SLC4A10: variants seen among roughly 807,000 people sequenced by gnomAD.
SLC4A10 encodes sodium-driven chloride bicarbonate exchanger.
Under a neutral mutation model 137.7 loss-of-function variants are expected in SLC4A10, and 42 were observed. The ratio of observed to expected loss-of-function variants is 0.30; its 90% CI spans 0.24 to 0.39. SLC4A10 has a LOEUF of 0.39. SLC4A10 is among the 10% of genes least tolerant of loss of function. SLC4A10 has a pLI of 1.00. For missense variants in SLC4A10, 925 were observed against 1,355.0 expected (o/e 0.68, Z 4.98); for synonymous variants, 474 against 464.1 (o/e 1.02, Z -0.27).
chr2:161,917,500 T>A (rs1430946167), intron 15 of SLC4A10, among the ~76,000 whole-genome samples: 1 of 150,654 alleles, frequency 6.6e-6, no homozygotes, highest in Non-Finnish European at 1.5e-5. Context: ...CTTGAACCCC[T>A]GAGGTGGAGG....
intron 2 of SLC4A10, among the ~76,000 whole-genome samples, chr2:161,787,278 G>A (rs1435725102): frequency 6.6e-6 from 1 of 152,086 alleles, no homozygotes; most frequent in Admixed American, 6.6e-5. Flanking sequence ...GGTTTCTGTT[G>A]AGAAAGCCAC....
Position 161,958,562 on chromosome 2 carries a change from T to C in SLC4A10, c.2862+7T>C. 1 of 1,596,980 alleles carries C rather than the reference T, an allele frequency of 6.3e-7. No individual in the cohort carries two copies. Among genetic ancestry groups the C allele is most frequent in the Non-Finnish European group, 8.6e-7 (1 of 1,166,314 alleles). On this transcript the variant is annotated splice_region_variant and intron_variant, in intron 21 of 26. Coordinates refer to ENST00000446997, the MANE Select transcript of SLC4A10 (RefSeq NM_001178015.2). ...ATCTCTAAAGGGAATTCAGGTAAATTACTTACAGTACTACAGGCACATCTG... is the reference window on the plus strand; with the variant it reads ...ATCTCTAAAGGGAATTCAGGTAAATCACTTACAGTACTACAGGCACATCTG...
chr2:161,967,460 A>G (rs528881208), intron 23 of SLC4A10, among the ~76,000 whole-genome samples: 1 of 152,338 alleles, frequency 6.6e-6, no homozygotes, highest in East Asian at 1.9e-4. Flanking sequence ...ACACAAATGT[A>G]CGACAACAAT....
intron 15 of SLC4A10, among the ~76,000 whole-genome samples, chr2:161,911,127 C>T (rs1685743301): frequency 6.6e-6 from 1 of 151,730 alleles, no homozygotes; most frequent in Non-Finnish European, 1.5e-5. Flanking sequence ...TTAATGTATA[C>T]TGATTAATGG....
chr2:161,770,610 G>C (rs2051469598), intron 1 of SLC4A10, among the ~76,000 whole-genome samples: 1 of 151,750 alleles, frequency 6.6e-6, no homozygotes, highest in East Asian at 1.9e-4. Context: ...TATTTTCCTT[G>C]CATAGTTCAA....
At chr2:161,935,232 C>T (rs556336597) in intron 15 of SLC4A10, among the ~76,000 whole-genome samples, 2 of 152,234 alleles carry the variant, frequency 1.3e-5, no homozygotes, top group African/African-American at 4.8e-5. Flanking sequence ...CTATTCTGTT[C>T]ACTGGCCTCT....
chr2:161,859,594 C>CTTTT (rs72003642), intron 5 of SLC4A10, among the ~76,000 whole-genome samples: 725 of 47,094 alleles, frequency 0.015, 1 homozygote, highest in Middle Eastern at 0.026. Context: ...CTTTTCTTTT[C>CTTTT]TTTTTTTTTT....
intron 2 of SLC4A10, among the ~76,000 whole-genome samples, chr2:161,787,621 G>A (rs2053771123): frequency 6.6e-6 from 1 of 151,964 alleles, no homozygotes; most frequent in South Asian, 2.1e-4. Context: ...TTTTTAAAAT[G>A]CTTTTCTATT....
At chr2:161,830,781 C>T (rs72879227) in intron 3 of SLC4A10, among the ~76,000 whole-genome samples, 10,268 of 152,106 alleles carry the variant, frequency 0.068, 454 homozygotes, top group East Asian at 0.17. Flanking sequence ...GGTTTCTGCC[C>T]TTATATTTCA....
At chr2:161,850,697 A>G (rs910691842) in intron 4 of SLC4A10, among the ~76,000 whole-genome samples, 1 of 151,906 alleles carries the variant, frequency 6.6e-6, no homozygotes, top group Non-Finnish European at 1.5e-5. Flanking sequence ...GATTTTTCTC[A>G]TCTCCATTTT....
intron 1 of SLC4A10, among the ~76,000 whole-genome samples, chr2:161,722,788 G>A (rs983435242): frequency 6.6e-6 from 1 of 152,198 alleles, no homozygotes; most frequent in Non-Finnish European, 1.5e-5. Context: ...TAAGTCCACT[G>A]AACCCACAAG....
At chr2:161,740,939 C>T (rs1421464552) in intron 1 of SLC4A10, among the ~76,000 whole-genome samples, 2 of 152,098 alleles carry the variant, frequency 1.3e-5, no homozygotes, top group African/African-American at 2.4e-5. Flanking sequence ...AACATATTCA[C>T]GAATATCCCT....
intron 18 of SLC4A10, 74 bp from the exon 19 acceptor site, chr2:161,950,613 C>T: frequency 7.1e-7 from 1 of 1,399,808 alleles, no homozygotes; most frequent in Non-Finnish European, 9.7e-7. Context: ...TTCCTAGTAG[C>T]ATCTGTAAGA....
chr2:161,985,258 T>C lies in SLC4A10; in HGVS notation c.*2106T>C, dbSNP rs1207504616. On this transcript the variant is annotated 3_prime_UTR_variant, in exon 27 of 27. Transcript: ENST00000446997. ...AAATAAATATTTATCCTAACTTCCT[T>C]GCACATTTTAAATTGTGATACAAAG... is the stretch of plus-strand genomic sequence containing the variant. 1 of 152,158 alleles carries C rather than the reference T, an allele frequency of 6.6e-6. No homozygotes were observed. Among genetic ancestry groups the C allele is most frequent in the Non-Finnish European group, 1.5e-5 (1 of 67,974 alleles). The allele number at this position is 152,158 out of a possible 1,614,324, so 9.4% of individuals were successfully genotyped here.
intron 1 of SLC4A10, among the ~76,000 whole-genome samples, chr2:161,681,921 T>C (rs1353259642): frequency 6.6e-6 from 1 of 152,150 alleles, no homozygotes; most frequent in African/African-American, 2.4e-5. Context: ...CTTGAGCTGA[T>C]ATTTCTATTT....
intron 4 of SLC4A10, among the ~76,000 whole-genome samples, chr2:161,848,999 A>ATACT: frequency 6.6e-6 from 1 of 152,290 alleles, no homozygotes; most frequent in East Asian, 1.9e-4. Context: ...TTTGGGCAGT[A>ATACT]TGCCATTTTA....
chr2:161,719,670 TTA>T (rs1048212603), intron 1 of SLC4A10, among the ~76,000 whole-genome samples: 1 of 152,246 alleles, frequency 6.6e-6, no homozygotes, highest in African/African-American at 2.4e-5. Flanking sequence ...GAGCATTTTT[TTA>T]TGTGTCTGTT....
chr2:161,677,068 G>A (rs1380018578), intron 1 of SLC4A10, among the ~76,000 whole-genome samples: 1 of 152,126 alleles, frequency 6.6e-6, no homozygotes, highest in Non-Finnish European at 1.5e-5. Context: ...TGCCTGGTGG[G>A]TGGTGTTTGG....
intron 3 of SLC4A10, among the ~76,000 whole-genome samples, chr2:161,835,930 T>C (rs1250882071): frequency 6.6e-6 from 1 of 152,230 alleles, no homozygotes; most frequent in African/African-American, 2.4e-5. Flanking sequence ...TTGAGGTATA[T>C]ACTGTAGATT....
Sources: gnomAD v4.1 joint callset for allele counts (sites outside exome capture counted in the v4.1 genomes callset) on GRCh38, gnomAD v4.1.1 for gene constraint, MANE v1.5 for transcripts, NCBI Gene and HGNC (gene_info 2026-07-23, HGNC 2026-07-21) for gene names.